PXDNL: variants seen among roughly 807,000 people sequenced by gnomAD.
The protein encoded by PXDNL is peroxidasin like, also known as probable oxidoreductase PXDNL.
A neutral mutation model predicts 150.8 loss-of-function variants in PXDNL; 145 were observed. That is an observed-to-expected ratio of 0.96 (90% CI 0.84 to 1.10). The LOEUF (loss-of-function observed/expected upper bound fraction) is 1.10. Ranked by LOEUF, PXDNL falls within the 50% of genes least tolerant of loss-of-function variation. The pLI is 0.00. For synonymous variants in PXDNL, 757 were observed against 725.7 expected (o/e 1.04, Z -0.69); for missense variants, 2,087 against 1,873.9 (o/e 1.11, Z -2.10).
chr8:51,673,174 T>C lies in PXDNL; in HGVS notation c.165-18414A>G, dbSNP rs573452518. ...ACAAACAGAGAATGATAAATTATGGTACATCAATATTTAATGATGTGGGGA... is the reference window on the plus strand; with the variant it reads ...ACAAACAGAGAATGATAAATTATGGCACATCAATATTTAATGATGTGGGGA... On this transcript the variant is annotated intron_variant, in intron 1 of 22. Transcript: ENST00000356297. 2.0e-5 allele frequency among the ~76,000 whole-genome samples: 3 copies of C among 152,344 alleles called. No homozygotes were observed. In the South Asian group the frequency reaches 6.2e-4, roughly 32 times the overall value.
Position 51,569,036 on chromosome 8 carries a change from T to A in PXDNL, c.309-12125A>T, listed in dbSNP as rs908328669. ...TTTTCCCATTAGAGTCTTTGGCACATTAATATAGTTGTTTGAAATTCCTGA... is the reference window on the plus strand; with the variant it reads ...TTTTCCCATTAGAGTCTTTGGCACAATAATATAGTTGTTTGAAATTCCTGA... On this transcript the variant is annotated intron_variant, in intron 3 of 22. Transcript: ENST00000356297. 3.9e-5 allele frequency among the ~76,000 whole-genome samples: 6 copies of A among 152,082 alleles called. No homozygotes were observed. The East Asian group carries it at 1.2e-3, about 30-fold the overall frequency.
intron 2 of PXDNL, among the ~76,000 whole-genome samples, chr8:51,633,115 G>A (rs1271806492): frequency 1.3e-5 from 2 of 152,102 alleles, no homozygotes; most frequent in Non-Finnish European, 2.9e-5. Context: ...TGTACCCAAT[G>A]TTTAGCTCAC....
chr8:51,414,196 T>C (rs1353813034), intron 14 of PXDNL, among the ~76,000 whole-genome samples: 2 of 151,744 alleles, frequency 1.3e-5, no homozygotes, highest in Non-Finnish European at 2.9e-5. Context: ...TACCACAATA[T>C]AGTATGATAG....
chr8:51,326,496 A>G (rs7813664), intron 21 of PXDNL, among the ~76,000 whole-genome samples: 6,079 of 152,278 alleles, frequency 0.04, 395 homozygotes, highest in African/African-American at 0.14. Flanking sequence ...TCAGTCTCAG[A>G]AAAAAAGTAA....
intron 13 of PXDNL, among the ~76,000 whole-genome samples, chr8:51,424,842 C>T (rs1809049794): frequency 6.6e-6 from 1 of 152,172 alleles, no homozygotes; most frequent in Non-Finnish European, 1.5e-5. Flanking sequence ...AATAACATTT[C>T]ACAGGTCTTC....
In PXDNL at chr8:51,648,591, C is replaced by A. The variant is rs766107113; in HGVS notation, c.236+6098G>T. On this transcript the variant is annotated intron_variant, in intron 2 of 22. Coordinates refer to ENST00000356297, the MANE Select transcript of PXDNL (RefSeq NM_144651.5). ...TCTAGAATTGTGAGAGAATCCATTT[C>A]TTTCCATTTAAGACACCAAGGCTTT... Among the ~76,000 whole-genome samples, 6 of 152,178 alleles carry A rather than the reference C, an allele frequency of 3.9e-5. No homozygotes were observed. The East Asian group carries it at 5.8e-4, about 15-fold the overall frequency.
rs113047328 is a variant in PXDNL at position 51,623,207 on chromosome 8, G to A, written c.237-30509C>T. 2.7e-3 allele frequency among the ~76,000 whole-genome samples: 410 copies of A among 152,272 alleles called. 2 individuals carry two copies. The highest frequency in any genetic ancestry group is 4.8e-3 in the Non-Finnish European group (326 of 68,028). ...AGCCTCTGCCTCTGCTGGAGAAAGCGATTCCCCAGGGCAGGGAACAGAGGC... is the reference window on the plus strand; with the variant it reads ...AGCCTCTGCCTCTGCTGGAGAAAGCAATTCCCCAGGGCAGGGAACAGAGGC... On this transcript the variant is annotated intron_variant, in intron 2 of 22. Transcript: ENST00000356297.
At chr8:51,451,108 A>C (rs1437008382) in intron 10 of PXDNL, among the ~76,000 whole-genome samples, 1 of 151,226 alleles carries the variant, frequency 6.6e-6, no homozygotes, top group Admixed American at 6.6e-5. Flanking sequence ...TAACTTTAAT[A>C]ATTATTAACA....
At chr8:51,411,991 A>G (rs867627088) in intron 15 of PXDNL, among the ~76,000 whole-genome samples, 2 of 152,326 alleles carry the variant, frequency 1.3e-5, no homozygotes, top group Middle Eastern at 3.4e-3. Flanking sequence ...CTCCTCTGCT[A>G]AAGAAAGAAC....
At chr8:51,607,485 C>T (rs1813861820) in intron 2 of PXDNL, among the ~76,000 whole-genome samples, 1 of 152,094 alleles carries the variant, frequency 6.6e-6, no homozygotes, top group African/African-American at 2.4e-5. Context: ...GCTGGGGCTG[C>T]TAACTGCAAT....
At chr8:51,727,081 C>T (rs976628368) in intron 1 of PXDNL, among the ~76,000 whole-genome samples, 1 of 152,084 alleles carries the variant, frequency 6.6e-6, no homozygotes, top group Non-Finnish European at 1.5e-5. Flanking sequence ...TAAGATGACA[C>T]CAATATAATA....
chr8:51,747,602 T>C lies in PXDNL; in HGVS notation c.164+61579A>G, dbSNP rs950650831. 4.6e-5 allele frequency among the ~76,000 whole-genome samples: 7 copies of C among 152,120 alleles called. 1 individual carries two copies. Among genetic ancestry groups the C allele is most frequent in the African/African-American group, 1.7e-4 (7 of 41,430 alleles). ...TGATGCCGTTTTTTTGAGCTGGGTT[T>C]TGGATAGCAATTGAACCAGGAAATA... On this transcript the variant is annotated intron_variant, in intron 1 of 22. Transcript: ENST00000356297.
chr8:51,416,609 G>T (rs990648988), intron 14 of PXDNL, among the ~76,000 whole-genome samples: 2 of 152,100 alleles, frequency 1.3e-5, no homozygotes, highest in African/African-American at 4.8e-5. Context: ...TGGCTTTCAC[G>T]ATTAATGTGT....
At chr8:51,448,022 T>G (rs1809717745) in intron 11 of PXDNL, among the ~76,000 whole-genome samples, 1 of 152,244 alleles carries the variant, frequency 6.6e-6, no homozygotes, top group South Asian at 2.1e-4. Flanking sequence ...CAAGGCTTTA[T>G]GGTTCCAAAG....
chr8:51,599,736 T>C (rs1033144632), intron 2 of PXDNL, among the ~76,000 whole-genome samples: 47 of 145,260 alleles, frequency 3.2e-4, no homozygotes, highest in East Asian at 1.1e-3. Flanking sequence ...ATAAATTATA[T>C]CTTATATAAA....
intron 1 of PXDNL, among the ~76,000 whole-genome samples, chr8:51,804,302 G>A (rs753611772): frequency 7.2e-5 from 11 of 152,196 alleles, no homozygotes; most frequent in South Asian, 4.1e-4. Flanking sequence ...ATATCTCAGT[G>A]AGCAGAGGGG....
chr8:51,565,487 T>C (rs1812806617), intron 3 of PXDNL, among the ~76,000 whole-genome samples: 1 of 151,834 alleles, frequency 6.6e-6, no homozygotes, highest in Non-Finnish European at 1.5e-5. Context: ...GCTTAGGTAC[T>C]CTGCACACTA....
intron 1 of PXDNL, among the ~76,000 whole-genome samples, chr8:51,776,060 C>A (rs1253093748): frequency 6.6e-6 from 1 of 152,150 alleles, no homozygotes. Context: ...GCCCCGGTCT[C>A]CTGTAGCGCT....
chr8:51,502,488 C>T (rs1811207467), intron 4 of PXDNL, among the ~76,000 whole-genome samples: 1 of 152,092 alleles, frequency 6.6e-6, no homozygotes, highest in South Asian at 2.1e-4. Context: ...ACATTAGTGG[C>T]TTTTTAAATG....
Sources: allele counts gnomAD v4.1 joint callset (sites outside exome capture counted in the v4.1 genomes callset), GRCh38; gene constraint gnomAD v4.1.1; transcripts MANE v1.5; gene names NCBI Gene and HGNC (gene_info 2026-07-23, HGNC 2026-07-21).